The following DNAH14 variants were observed in gnomAD, a reference collection of about 807,000 sequenced individuals.
The protein encoded by DNAH14 is dynein axonemal heavy chain 14.
Under a neutral mutation model 520.9 loss-of-function variants are expected in DNAH14, and 478 were observed. The ratio of observed to expected loss-of-function variants is 0.92; its 90% CI spans 0.85 to 0.99. The LOEUF is 0.99. DNAH14 is among the 50% of genes least tolerant of loss of function. DNAH14 has a pLI of 0.00. For synonymous variants in DNAH14, 1,581 were observed against 1,757.2 expected (o/e 0.90, Z 2.51); for missense variants, 4,831 against 5,234.5 (o/e 0.92, Z 2.38).
At chr1:225,108,077 A>G (rs2076221409) in intron 23 of DNAH14, among the ~76,000 whole-genome samples, 1 of 152,176 alleles carries the variant, frequency 6.6e-6, no homozygotes, top group South Asian at 2.1e-4. Context: ...GACACCATCT[A>G]ATCAGCTACC....
At chr1:225,247,019 A>G (rs1322583187) in intron 43 of DNAH14, among the ~76,000 whole-genome samples, 1 of 152,246 alleles carries the variant, frequency 6.6e-6, no homozygotes, top group Non-Finnish European at 1.5e-5. Flanking sequence ...AATGTGGCAC[A>G]TATACACCAT....
At position 225,270,858 on chromosome 1, in the gene DNAH14, A is replaced by C; in HGVS notation, c.7663A>C (p.Ile2555Leu). 6.4e-7 allele frequency: 1 copy of C among 1,550,496 alleles called. No homozygotes were observed. Among genetic ancestry groups the C allele is most frequent in the Non-Finnish European group, 8.7e-7 (1 of 1,146,572 alleles). Residue 2555 changes from isoleucine to leucine, a missense_variant, in exon 50 of 86, where the codon ATT (isoleucine) becomes CTT (leucine). By Grantham distance (5) the Ile-to-Leu change is conservative (BLOSUM62 2). Coordinates refer to ENST00000682510, the MANE Select transcript of DNAH14 (RefSeq NM_001367479.1). ...TCCTTCACAAGACATCTTATGTACT[A>C]TTTTCCAGGTAACACATCTAGTTCA... The part of the protein sequence containing the change: ...PHPSQDILCT[I>L]FQAHLGIYFS...
chr1:225,226,180 A>G (rs1380512163), intron 41 of DNAH14, among the ~76,000 whole-genome samples: 1 of 152,182 alleles, frequency 6.6e-6, no homozygotes, highest in Non-Finnish European at 1.5e-5. Context: ...TTACTTGGGC[A>G]GACACCTCCT....
intron 11 of DNAH14, 116 bp downstream of exon 11, chr1:225,023,981 A>G: frequency 1.3e-5 from 19 of 1,438,708 alleles, no homozygotes; most frequent in Non-Finnish European, 1.7e-5. Context: ...TCCTTGTGGC[A>G]GAGTACATGT....
intron 17 of DNAH14, among the ~76,000 whole-genome samples, chr1:225,056,443 T>G (rs2148358438): frequency 6.6e-6 from 1 of 152,318 alleles, no homozygotes; most frequent in South Asian, 2.1e-4. Flanking sequence ...CTTTGTCAGA[T>G]GAGTAGATTG....
chr1:225,116,436 A>G (rs747058568), intron 23 of DNAH14, among the ~76,000 whole-genome samples: 1 of 152,214 alleles, frequency 6.6e-6, no homozygotes, highest in Non-Finnish European at 1.5e-5. Flanking sequence ...GAAAGAAGGT[A>G]GAGCTTGGAG....
chr1:224,994,388 T>A (rs1275504580), intron 8 of DNAH14, among the ~76,000 whole-genome samples: 2 of 152,058 alleles, frequency 1.3e-5, no homozygotes, highest in Non-Finnish European at 1.5e-5. Context: ...TTATGACATA[T>A]CATCTTGATG....
intron 55 of DNAH14, among the ~76,000 whole-genome samples, chr1:225,298,340 G>C (rs2094060442): frequency 6.6e-6 from 1 of 152,174 alleles, no homozygotes; most frequent in Non-Finnish European, 1.5e-5. Context: ...CACTCTGCCA[G>C]CCCAAGAATG....
chr1:225,237,701 T>C (rs570888250), intron 42 of DNAH14, among the ~76,000 whole-genome samples: 9 of 152,192 alleles, frequency 5.9e-5, no homozygotes, highest in Non-Finnish European at 1.2e-4. Flanking sequence ...CTGAAGTATG[T>C]TTTCCAACTT....
intron 71 of DNAH14, among the ~76,000 whole-genome samples, chr1:225,348,953 G>T (rs2095326052): frequency 6.6e-6 from 1 of 152,094 alleles, no homozygotes; most frequent in Non-Finnish European, 1.5e-5. Context: ...AAGGGGTGGT[G>T]CTAAAGCCCT....
intron 46 of DNAH14, among the ~76,000 whole-genome samples, 192 bp from the exon 47 acceptor site, chr1:225,264,005 A>G (rs2093028102): frequency 1.3e-5 from 2 of 152,050 alleles, no homozygotes; most frequent in Non-Finnish European, 2.9e-5. Flanking sequence ...AAGTTAGCTT[A>G]TGTTTTGTTC....
rs186080294 is a variant in DNAH14, at chr1:225,097,308, T to C, written c.3695+69T>C. Reference sequence around the variant, plus strand: ...GTGAGTAATTTATTTTCTTTAATTCTTGAGAAATCATTTCTTCAATGAACA... The same window carrying C: ...GTGAGTAATTTATTTTCTTTAATTCCTGAGAAATCATTTCTTCAATGAACA... On this transcript the variant is annotated intron_variant, in intron 22 of 85. Coordinates refer to ENST00000682510, the MANE Select transcript of DNAH14 (RefSeq NM_001367479.1). The C allele has an allele frequency of 5.8e-6, 8 of 1,386,784 alleles. No individual in the cohort carries two copies. In the African/African-American group the frequency reaches 1.0e-4, roughly 18 times the overall value. 85.9% of individuals were successfully genotyped at this position (1,386,784 alleles called of 1,614,324 possible).
At chr1:225,176,438 A>T (rs186142158) in intron 36 of DNAH14, among the ~76,000 whole-genome samples, 6 of 152,140 alleles carry the variant, frequency 3.9e-5, no homozygotes, top group Non-Finnish European at 8.8e-5. Flanking sequence ...CTGTTGGGGG[A>T]AATATTCTAT....
chr1:225,039,582 TG>T (rs1429436591), intron 12 of DNAH14, among the ~76,000 whole-genome samples: 1 of 146,478 alleles, frequency 6.8e-6, no homozygotes, highest in Non-Finnish European at 1.5e-5. Flanking sequence ...CTCTTTAGTA[TG>T]AAAAAAAAAA....
chr1:225,292,809 T>C (rs1288621344), intron 55 of DNAH14, among the ~76,000 whole-genome samples: 1 of 152,178 alleles, frequency 6.6e-6, no homozygotes, highest in Non-Finnish European at 1.5e-5. Flanking sequence ...TAGAGTTCTT[T>C]CATCTTCTTT....
intron 53 of DNAH14, among the ~76,000 whole-genome samples, chr1:225,277,120 G>A (rs1370992086): frequency 9.6e-6 from 1 of 104,252 alleles, no homozygotes; most frequent in South Asian, 4.6e-4. Flanking sequence ...AGGGGGGGAG[G>A]GGGACGGGGA....
At chr1:224,972,320 T>C (rs2061544123) in intron 7 of DNAH14, among the ~76,000 whole-genome samples, 3 of 152,142 alleles carry the variant, frequency 2.0e-5, no homozygotes, top group Admixed American at 2.0e-4. Flanking sequence ...ATTATTTTTT[T>C]TGAGACAGAG....
intron 55 of DNAH14, among the ~76,000 whole-genome samples, chr1:225,291,680 TACATTCCCACCG>T (rs1167580825): frequency 6.6e-6 from 1 of 152,180 alleles, no homozygotes; most frequent in Non-Finnish European, 1.5e-5. Context: ...TGTACTAGAT[TACATTCCCACCG>T]ACAGTGTACA....
At chr1:225,071,404 G>A (rs927281955) in intron 17 of DNAH14, among the ~76,000 whole-genome samples, 4 of 152,112 alleles carry the variant, frequency 2.6e-5, no homozygotes, top group South Asian at 2.1e-4. Context: ...GCATTTGCTT[G>A]TCTGAAAAGG....
Sources: gnomAD v4.1 joint callset for allele counts (sites outside exome capture counted in the v4.1 genomes callset) on GRCh38, gnomAD v4.1.1 for gene constraint, MANE v1.5 for transcripts, NCBI Gene and HGNC (gene_info 2026-07-23, HGNC 2026-07-21) for gene names.